Variants in ZNF385D observed in about 807,000 individuals in gnomAD.
ZNF385D encodes zinc finger protein 385D.
In ZNF385D, 15 loss-of-function variants were observed where a neutral mutation model predicts 35.8. The observed-to-expected ratio is 0.42, with a 90% CI of 0.28 to 0.64. The LOEUF (loss-of-function observed/expected upper bound fraction) is 0.64. Ranked by LOEUF, ZNF385D falls within the 30% of genes least tolerant of loss-of-function variation. The pLI is 0.23. For synonymous variants in ZNF385D, 212 were observed against 186.8 expected, an observed-to-expected ratio of 1.13 and a Z score of -1.10; for missense variants, 474 against 494.6, an observed-to-expected ratio of 0.96 and a Z score of 0.39.
At chr3:22,257,883 A>T (rs1700396088) in intron 2 of ZNF385D, among the ~76,000 whole-genome samples, 1 of 151,836 alleles carries the variant, frequency 6.6e-6, no homozygotes, top group South Asian at 2.1e-4. Context: ...TTTTCTAGTG[A>T]TATTTTTAAA....
intron 3 of ZNF385D, among the ~76,000 whole-genome samples, chr3:21,770,691 G>A (rs1245339760): frequency 1.3e-5 from 2 of 152,082 alleles, no homozygotes; most frequent in Non-Finnish European, 2.9e-5. Context: ...TTATTCCTCA[G>A]GGATCTAGAA....
At chr3:21,518,801 A>T (rs1020907706) in intron 3 of ZNF385D, among the ~76,000 whole-genome samples, 3 of 152,214 alleles carry the variant, frequency 2.0e-5, no homozygotes, top group Admixed American at 2.0e-4. Flanking sequence ...GTTCATTGTT[A>T]TAAAATTTCC....
chr3:21,633,285 T>G (rs969453569), intron 2 of ZNF385D, among the ~76,000 whole-genome samples: 1 of 152,106 alleles, frequency 6.6e-6, no homozygotes, highest in Non-Finnish European at 1.5e-5. Context: ...GCTATAGCAC[T>G]TGGATTATAC....
chr3:22,238,370 G>C (rs1193334785), intron 2 of ZNF385D, among the ~76,000 whole-genome samples: 1 of 151,042 alleles, frequency 6.6e-6, no homozygotes, highest in Non-Finnish European at 1.5e-5. Context: ...GACTTTGATA[G>C]AGATTGCTTT....
intron 3 of ZNF385D, among the ~76,000 whole-genome samples, chr3:22,049,965 T>G (rs1463344628): frequency 6.6e-6 from 1 of 152,178 alleles, no homozygotes; most frequent in Admixed American, 6.5e-5. Context: ...TTTCTTTCCT[T>G]GTAAAATGCT....
intron 2 of ZNF385D, among the ~76,000 whole-genome samples, chr3:22,279,631 T>C (rs1304636107): frequency 2.0e-5 from 2 of 100,092 alleles, no homozygotes; most frequent in Non-Finnish European, 3.7e-5. Context: ...TGTATATGTG[T>C]GTATATTTTA....
At chr3:22,349,442 G>GATA (rs759895081) in intron 2 of ZNF385D, among the ~76,000 whole-genome samples, 1 of 152,144 alleles carries the variant, frequency 6.6e-6, no homozygotes, top group Non-Finnish European at 1.5e-5. Flanking sequence ...CATTCTCTGA[G>GATA]ATAATAACTT....
In ZNF385D at chr3:22,060,188, A is replaced by T. The variant is rs115576463; in HGVS notation, c.325+108629T>A. On this transcript the variant is annotated intron_variant, in intron 3 of 5. Transcript: ENST00000494108. Reference sequence around the variant, plus strand: ...CTAAATTACAAGACTGGCTTTCTTGAGTCTCTAGCTTGCAGATGACAGATT... The same window carrying T: ...CTAAATTACAAGACTGGCTTTCTTGTGTCTCTAGCTTGCAGATGACAGATT... Among the ~76,000 whole-genome samples, 232 of 152,176 alleles carry T rather than the reference A, an allele frequency of 1.5e-3. 1 individual carries two copies. The highest frequency in any genetic ancestry group is 5.3e-3 in the African/African-American group (222 of 41,536).
intron 3 of ZNF385D, among the ~76,000 whole-genome samples, chr3:21,950,075 A>T (rs1159808630): frequency 1.3e-5 from 2 of 151,958 alleles, no homozygotes; most frequent in East Asian, 3.9e-4. Context: ...TATACCCAGT[A>T]ATGGGATTGT....
chr3:21,898,051 G>T (rs57051498), intron 3 of ZNF385D, among the ~76,000 whole-genome samples: 4 of 152,114 alleles, frequency 2.6e-5, no homozygotes, highest in Non-Finnish European at 4.4e-5. Flanking sequence ...ATGTGCACTG[G>T]GATTGTATTT....
At chr3:21,461,057 T>C (rs1325426996) in intron 4 of ZNF385D, among the ~76,000 whole-genome samples, 1 of 152,166 alleles carries the variant, frequency 6.6e-6, no homozygotes, top group Non-Finnish European at 1.5e-5. Context: ...TTAATTCACA[T>C]AAAGTCACAT....
chr3:22,362,371 A>C (rs927512022), intron 2 of ZNF385D, among the ~76,000 whole-genome samples: 2 of 152,108 alleles, frequency 1.3e-5, no homozygotes, highest in Non-Finnish European at 2.9e-5. Flanking sequence ...ACTAATAAAA[A>C]ATTGTTACAG....
intron 2 of ZNF385D, among the ~76,000 whole-genome samples, chr3:22,259,285 A>G (rs977430665): frequency 6.6e-6 from 1 of 151,970 alleles, no homozygotes; most frequent in Non-Finnish European, 1.5e-5. Context: ...GGAGTTGTTT[A>G]CCTCATGGTG....
chr3:22,223,554 G>T (rs992505460), intron 2 of ZNF385D, among the ~76,000 whole-genome samples: 5 of 152,076 alleles, frequency 3.3e-5, no homozygotes, highest in Non-Finnish European at 5.9e-5. Context: ...AGAGGTGGTT[G>T]AAAGTATGTG....
intron 3 of ZNF385D, among the ~76,000 whole-genome samples, chr3:21,883,067 C>G (rs1047257562): frequency 3.3e-5 from 5 of 151,904 alleles, no homozygotes; most frequent in Non-Finnish European, 5.9e-5. Context: ...TGCTTTGTCT[C>G]CTACCACTTT....
intron 3 of ZNF385D, among the ~76,000 whole-genome samples, chr3:22,074,615 T>C (rs770748580): frequency 6.6e-6 from 1 of 151,984 alleles, no homozygotes; most frequent in Admixed American, 6.6e-5. Flanking sequence ...TTTCCATAGT[T>C]TGTTTAATTC....
chr3:22,170,050 G>C (rs566254785), intron 2 of ZNF385D, among the ~76,000 whole-genome samples: 3 of 152,116 alleles, frequency 2.0e-5, no homozygotes, highest in Non-Finnish European at 4.4e-5. Flanking sequence ...TCATTTCTAA[G>C]TTTTCTCTAC....
At chr3:22,103,840 C>T (rs561458556) in intron 3 of ZNF385D, among the ~76,000 whole-genome samples, 22 of 151,900 alleles carry the variant, frequency 1.4e-4, no homozygotes, top group Admixed American at 7.9e-4. Context: ...TGACTTTACA[C>T]GGAAAGGGAA....
At chr3:21,576,668 G>A (rs2063504493) in intron 2 of ZNF385D, among the ~76,000 whole-genome samples, 2 of 151,964 alleles carry the variant, frequency 1.3e-5, no homozygotes, top group Non-Finnish European at 2.9e-5. Context: ...TCATATACCT[G>A]GTGATTCTTA....
Sources: allele counts gnomAD v4.1 joint callset (sites outside exome capture counted in the v4.1 genomes callset), GRCh38; gene constraint gnomAD v4.1.1; transcripts MANE v1.5; gene names NCBI Gene and HGNC (gene_info 2026-07-23, HGNC 2026-07-21).